Variants in CSMD2 observed in about 807,000 individuals in gnomAD.
CSMD2 encodes CUB and Sushi multiple domains 2, also known as CUB and sushi domain-containing protein 2.
Under a neutral mutation model 398.5 loss-of-function variants are expected in CSMD2, and 130 were observed. The ratio of observed to expected loss-of-function variants is 0.33; its 90% confidence interval spans 0.28 to 0.38. CSMD2 has a LOEUF of 0.38. CSMD2 is among the 10% of genes least tolerant of loss of function. The pLI is 1.00. For missense variants in CSMD2, 3,829 were observed against 4,764.9 expected (o/e 0.80, Z 5.78); for synonymous variants, 1,828 against 1,908.5 (o/e 0.96, Z 1.10).
At chr1:33,920,402 T>C (rs34022709) in intron 4 of CSMD2, among the ~76,000 whole-genome samples, 25,887 of 144,188 alleles carry the variant, frequency 0.18, 2,728 homozygotes, top group African/African-American at 0.31. Context: ...GTTGGCTGGG[T>C]GTGGTGGCGC....
chr1:33,651,337 G>A (rs1643743887), intron 28 of CSMD2, among the ~76,000 whole-genome samples: 1 of 152,210 alleles, frequency 6.6e-6, no homozygotes, highest in African/African-American at 2.4e-5. Context: ...CCAGCCCCAA[G>A]GCTCAGAACA....
chr1:33,763,648 C>T (rs1250502179), intron 13 of CSMD2, among the ~76,000 whole-genome samples: 1 of 152,194 alleles, frequency 6.6e-6, no homozygotes, highest in Non-Finnish European at 1.5e-5. Flanking sequence ...CTTCGTGAGC[C>T]ATCCCTTCAG....
At chr1:34,159,873 A>G (rs1641172681) in intron 1 of CSMD2, among the ~76,000 whole-genome samples, 1 of 152,210 alleles carries the variant, frequency 6.6e-6, no homozygotes, top group South Asian at 2.1e-4. Flanking sequence ...CTTCTATTTA[A>G]TAGGCACATT....
intron 3 of CSMD2, among the ~76,000 whole-genome samples, chr1:34,024,304 T>C (rs893010632): frequency 2.0e-5 from 3 of 152,244 alleles, no homozygotes; most frequent in African/African-American, 7.2e-5. Context: ...AGAGGTACAC[T>C]GTATCTGCAA....
intron 9 of CSMD2, chr1:33,813,859 G>T (rs993154092): frequency 6.6e-6 from 1 of 152,476 alleles, no homozygotes; most frequent in Non-Finnish European, 1.5e-5. Flanking sequence ...CCCACTACCA[G>T]TTCTAAGGAA....
At chr1:34,035,692 A>T (rs1302697940) in intron 2 of CSMD2, among the ~76,000 whole-genome samples, 1 of 151,368 alleles carries the variant, frequency 6.6e-6, no homozygotes. Context: ...AAATTCAGAA[A>T]CCTACAAATA....
chr1:33,994,436 C>A (rs775626404), intron 3 of CSMD2, among the ~76,000 whole-genome samples: 1 of 152,114 alleles, frequency 6.6e-6, no homozygotes, highest in South Asian at 2.1e-4. Flanking sequence ...ACGCTCACAG[C>A]ACCATGGATG....
chr1:33,570,208 T>C (rs571828758), intron 51 of CSMD2, among the ~76,000 whole-genome samples: 4 of 144,686 alleles, frequency 2.8e-5, no homozygotes, highest in African/African-American at 7.6e-5. Flanking sequence ...TGCACAGTCG[T>C]CCAGGCTGGA....
intron 3 of CSMD2, among the ~76,000 whole-genome samples, chr1:33,943,593 G>GT (rs1170058668): frequency 6.6e-6 from 1 of 152,074 alleles, no homozygotes; most frequent in Admixed American, 6.6e-5. Context: ...ACATGATTGG[G>GT]TTTTTTTGGA....
intron 5 of CSMD2, among the ~76,000 whole-genome samples, chr1:33,893,265 G>A (rs1359425586): frequency 1.3e-5 from 2 of 152,182 alleles, no homozygotes; most frequent in Non-Finnish European, 2.9e-5. Flanking sequence ...TACTTACCTC[G>A]TAAGCACAAT....
At chr1:33,967,637 C>G (rs778314413) in intron 3 of CSMD2, among the ~76,000 whole-genome samples, 1 of 152,194 alleles carries the variant, frequency 6.6e-6, no homozygotes, top group Non-Finnish European at 1.5e-5. Flanking sequence ...CTCTTTGTAA[C>G]CAGGAAGTCA....
intron 1 of CSMD2, among the ~76,000 whole-genome samples, chr1:34,130,047 C>T (rs1663173330): frequency 6.6e-6 from 1 of 152,136 alleles, no homozygotes; most frequent in Admixed American, 6.5e-5. Flanking sequence ...TTAATTACCA[C>T]TCATTCTCTC....
intron 5 of CSMD2, among the ~76,000 whole-genome samples, chr1:33,917,540 T>G (rs1221417230): frequency 2.6e-5 from 4 of 152,142 alleles, no homozygotes; most frequent in African/African-American, 9.7e-5. Flanking sequence ...AGACTCTCCA[T>G]GAAGCACACT....
intron 56 of CSMD2, among the ~76,000 whole-genome samples, chr1:33,548,178 T>C (rs1657090043): frequency 6.6e-6 from 1 of 151,538 alleles, no homozygotes; most frequent in Admixed American, 6.6e-5. Context: ...CAAACCTCTG[T>C]TGTTTATAAA....
chr1:33,604,744 G>A (rs1640468508), intron 42 of CSMD2, among the ~76,000 whole-genome samples: 1 of 152,206 alleles, frequency 6.6e-6, no homozygotes. Flanking sequence ...TCTGGGTAAG[G>A]AAGAAGACCC....
chr1:33,779,973 A>G (rs1652502738), intron 12 of CSMD2, among the ~76,000 whole-genome samples: 1 of 152,214 alleles, frequency 6.6e-6, no homozygotes, highest in Non-Finnish European at 1.5e-5. Flanking sequence ...ACAACAGCGT[A>G]GAGTCTAGAG....
At chr1:33,587,808 C>T (rs1639186836) in intron 44 of CSMD2, among the ~76,000 whole-genome samples, 2 of 152,264 alleles carry the variant, frequency 1.3e-5, no homozygotes, top group South Asian at 4.2e-4. Context: ...AGGCAGGATG[C>T]TATTTACTGA....
intron 3 of CSMD2, among the ~76,000 whole-genome samples, chr1:33,976,372 T>TA (rs1439733632): frequency 6.6e-6 from 1 of 152,220 alleles, no homozygotes; most frequent in Non-Finnish European, 1.5e-5. Context: ...CACCTGGGGA[T>TA]TCCCAGCCTA....
chr1:33,756,406 T>C (rs1649023229), intron 13 of CSMD2, among the ~76,000 whole-genome samples: 1 of 151,788 alleles, frequency 6.6e-6, no homozygotes, highest in Admixed American at 6.6e-5. Context: ...CCCTCTGAAG[T>C]TTACATTCTA....
Sources: gnomAD v4.1 joint callset for allele counts (sites outside exome capture counted in the v4.1 genomes callset) on GRCh38, gnomAD v4.1.1 for gene constraint, MANE v1.5 for transcripts, NCBI Gene and HGNC (gene_info 2026-07-23, HGNC 2026-07-21) for gene names.